PTPRD: variants seen among roughly 807,000 people sequenced by gnomAD.
PTPRD encodes receptor-type tyrosine-protein phosphatase delta.
A neutral mutation model predicts 214.5 loss-of-function variants in PTPRD; 34 were observed. The observed-to-expected ratio is 0.16, with a 90% CI of 0.12 to 0.21. PTPRD has a LOEUF of 0.21. PTPRD is among the 10% of genes least tolerant of loss of function. The pLI is 1.00. For synonymous variants in PTPRD, 1,128 were observed against 845.7 expected (o/e 1.33, Z -5.79); for missense variants, 2,545 against 2,398.7 (o/e 1.06, Z -1.27).
At chr9:8,451,619 C>T (rs1030618885) in intron 33 of PTPRD, among the ~76,000 whole-genome samples, 14 of 152,260 alleles carry the variant, frequency 9.2e-5, no homozygotes, top group African/African-American at 3.1e-4. Context: ...GATGCAAAAT[C>T]GAAATGGGTT....
At chr9:9,603,548 T>G (rs1276285239) in intron 7 of PTPRD, among the ~76,000 whole-genome samples, 1 of 152,122 alleles carries the variant, frequency 6.6e-6, no homozygotes, top group South Asian at 2.1e-4. Flanking sequence ...AAGCAAGCAT[T>G]ACCACCTGAG....
At chr9:8,646,937 T>C (rs997040024) in intron 12 of PTPRD, among the ~76,000 whole-genome samples, 1 of 152,162 alleles carries the variant, frequency 6.6e-6, no homozygotes, top group Non-Finnish European at 1.5e-5. Flanking sequence ...ATATCGTAAA[T>C]GTGATCTTTG....
intron 7 of PTPRD, among the ~76,000 whole-genome samples, chr9:9,641,078 A>G (rs374812263): frequency 1.1e-5 from 1 of 91,360 alleles, no homozygotes; most frequent in Non-Finnish European, 3.2e-5. Flanking sequence ...GGTAATAATG[A>G]AAGCTATAGC....
intron 8 of PTPRD, among the ~76,000 whole-genome samples, chr9:9,443,408 T>C (rs900675551): frequency 1.3e-5 from 2 of 152,208 alleles, no homozygotes; most frequent in African/African-American, 4.8e-5. Context: ...AGTTCTTTGA[T>C]ATTACTTGCA....
chr9:9,183,573 T>C (rs552954145), intron 9 of PTPRD, among the ~76,000 whole-genome samples: 3 of 152,136 alleles, frequency 2.0e-5, no homozygotes, highest in African/African-American at 7.2e-5. Context: ...TGGAAATCAC[T>C]ATTGTTCACA....
chr9:9,468,163 G>T (rs2094346571), intron 8 of PTPRD, among the ~76,000 whole-genome samples: 1 of 151,484 alleles, frequency 6.6e-6, no homozygotes, highest in Non-Finnish European at 1.5e-5. Context: ...CCTTCTTTCT[G>T]TGTAGGTAGT....
chr9:10,174,936 A>G (rs1044954541), intron 3 of PTPRD, among the ~76,000 whole-genome samples: 1 of 152,160 alleles, frequency 6.6e-6, no homozygotes, highest in South Asian at 2.1e-4. Context: ...ATTAGTAAAA[A>G]TGAATGCTTG....
chr9:10,064,248 G>A (rs916653233), intron 3 of PTPRD, among the ~76,000 whole-genome samples: 20 of 151,738 alleles, frequency 1.3e-4, no homozygotes, highest in African/African-American at 4.6e-4. Context: ...ATTGTTTTGA[G>A]GGGCATGACA....
intron 8 of PTPRD, among the ~76,000 whole-genome samples, chr9:9,461,100 A>G (rs1299304027): frequency 6.6e-6 from 1 of 152,066 alleles, no homozygotes; most frequent in Non-Finnish European, 1.5e-5. Flanking sequence ...ATTCTCACTT[A>G]TAAGTGGGAG....
intron 11 of PTPRD, among the ~76,000 whole-genome samples, chr9:8,955,239 T>C (rs1425078481): frequency 2.0e-5 from 3 of 151,870 alleles, no homozygotes; most frequent in African/African-American, 7.2e-5. Flanking sequence ...CTGGGTTTGT[T>C]GAAACATTTG....
At chr9:9,274,260 G>T (rs1269275371) in intron 9 of PTPRD, among the ~76,000 whole-genome samples, 1 of 151,110 alleles carries the variant, frequency 6.6e-6, no homozygotes, top group Non-Finnish European at 1.5e-5. Context: ...TACTATGTTT[G>T]CTTCACATGT....
At chr9:8,703,106 A>G (rs999636300) in intron 12 of PTPRD, among the ~76,000 whole-genome samples, 3 of 152,334 alleles carry the variant, frequency 2.0e-5, no homozygotes, top group African/African-American at 4.8e-5. Flanking sequence ...CAGATACCAA[A>G]TTATGAAAAA....
chr9:9,905,882 G>T (rs2077452281), intron 5 of PTPRD, among the ~76,000 whole-genome samples: 1 of 151,944 alleles, frequency 6.6e-6, no homozygotes. Context: ...TGAGGAACCT[G>T]CCTTGACTGG....
At chr9:9,530,631 A>T (rs1242382712) in intron 8 of PTPRD, among the ~76,000 whole-genome samples, 6 of 152,220 alleles carry the variant, frequency 3.9e-5, no homozygotes, top group Admixed American at 6.5e-5. Flanking sequence ...CTAAATGTCC[A>T]TCAATGGATG....
At chr9:10,080,273 G>A (rs1183646004) in intron 3 of PTPRD, among the ~76,000 whole-genome samples, 1 of 152,070 alleles carries the variant, frequency 6.6e-6, no homozygotes, top group Admixed American at 6.6e-5. Context: ...GACAGGAGCA[G>A]GCAAACCCAA....
chr9:9,761,253 T>C (rs2154475705), intron 6 of PTPRD, among the ~76,000 whole-genome samples: 1 of 152,218 alleles, frequency 6.6e-6, no homozygotes, highest in South Asian at 2.1e-4. Flanking sequence ...CTTGGGTGAA[T>C]CTCCAAAAAT....
intron 11 of PTPRD, among the ~76,000 whole-genome samples, chr9:8,735,197 G>A (rs1371531177): frequency 7.1e-6 from 1 of 141,106 alleles, no homozygotes; most frequent in African/African-American, 2.6e-5. Flanking sequence ...AGGCTGTAGT[G>A]CAGTGGTACA....
intron 11 of PTPRD, among the ~76,000 whole-genome samples, chr9:8,933,957 C>G (rs191221883): frequency 5.9e-5 from 9 of 152,056 alleles, no homozygotes; most frequent in African/African-American, 2.2e-4. Context: ...TTTCCCAACC[C>G]CAGAATATAT....
At chr9:10,086,551 G>T (rs1258529411) in intron 3 of PTPRD, among the ~76,000 whole-genome samples, 2 of 151,628 alleles carry the variant, frequency 1.3e-5, no homozygotes, top group East Asian at 3.9e-4. Flanking sequence ...TTATAAACTT[G>T]GACAAATACT....
Sources: gnomAD v4.1 joint callset for allele counts (sites outside exome capture counted in the v4.1 genomes callset) on GRCh38, gnomAD v4.1.1 for gene constraint, MANE v1.5 for transcripts, NCBI Gene and HGNC (gene_info 2026-07-23, HGNC 2026-07-21) for gene names.